The following SCHIP1 variants were observed in gnomAD, a reference collection of about 807,000 sequenced individuals.
SCHIP1 encodes schwannomin-interacting protein 1.
A neutral mutation model predicts 29.7 loss-of-function variants in SCHIP1; 8 were observed. That is an observed-to-expected ratio of 0.27 (90% CI 0.16 to 0.49). The LOEUF (loss-of-function observed/expected upper bound fraction) is 0.49. SCHIP1 is among the 20% of genes least tolerant of loss of function. The probability of loss-of-function intolerance (pLI) is 0.99; values close to 1 mark genes in which losing one functional copy is unlikely to be tolerated. For synonymous variants in SCHIP1, 76 were observed against 94.9 expected (o/e 0.80, Z 1.16); for missense variants, 193 against 294.6 (o/e 0.66, Z 2.52).
chr3:159,294,741 C>A, the SCHIP1 span, among the ~76,000 whole-genome samples: 1 of 152,212 alleles, frequency 6.6e-6, no homozygotes, highest in East Asian at 1.9e-4. Context: ...ATGAAAGAGA[C>A]CAAGTTTTTG....
chr3:159,886,344 G>A lies in SCHIP1; in HGVS notation c.267+20G>A. On this transcript the variant is annotated intron_variant, in intron 3 of 6. Coordinates refer to ENST00000445224, the Ensembl canonical transcript of SCHIP1. ...CCCATGGTGAGTCCAAACAGCACCAGCTGAAGCTCGGTGTTGTGATTTCCG... is the reference window on the plus strand; with the variant it reads ...CCCATGGTGAGTCCAAACAGCACCAACTGAAGCTCGGTGTTGTGATTTCCG... 1 of 1,604,996 alleles carries A rather than the reference G, an allele frequency of 6.2e-7. No individual in the cohort carries two copies. The highest frequency in any genetic ancestry group is 8.5e-7 in the Non-Finnish European group (1 of 1,172,578).
the SCHIP1 span, among the ~76,000 whole-genome samples, chr3:159,664,685 G>C: frequency 3.3e-5 from 5 of 152,164 alleles, no homozygotes; most frequent in East Asian, 1.9e-4. Context: ...AGGCCTATAG[G>C]GTAGAGAGAG....
the SCHIP1 span, among the ~76,000 whole-genome samples, chr3:159,557,705 C>T: frequency 4.6e-5 from 7 of 152,166 alleles, no homozygotes; most frequent in South Asian, 4.1e-4. Flanking sequence ...AAACTGGAAG[C>T]TGAAAATTCG....
chr3:159,620,428 T>C, the SCHIP1 span, among the ~76,000 whole-genome samples: 1 of 152,198 alleles, frequency 6.6e-6, no homozygotes, highest in Non-Finnish European at 1.5e-5. Context: ...ATTTGATTCA[T>C]CTGGAAGCTA....
At chr3:159,349,025 G>C in the SCHIP1 span, among the ~76,000 whole-genome samples, 1 of 152,200 alleles carries the variant, frequency 6.6e-6, no homozygotes, top group African/African-American at 2.4e-5. Flanking sequence ...TTGAATGAAA[G>C]AGCTATGTGC....
At chr3:159,797,822 G>A in the SCHIP1 span, among the ~76,000 whole-genome samples, 1 of 152,100 alleles carries the variant, frequency 6.6e-6, no homozygotes, top group East Asian at 1.9e-4. Context: ...CTCATTCTAT[G>A]GAACAGAATG....
the SCHIP1 span, among the ~76,000 whole-genome samples, chr3:159,701,089 G>A: frequency 6.6e-6 from 1 of 152,128 alleles, no homozygotes; most frequent in Non-Finnish European, 1.5e-5. Flanking sequence ...ACAAGGCCTG[G>A]CAGAGTAAAC....
At chr3:159,706,827 G>A in the SCHIP1 span, among the ~76,000 whole-genome samples, 1 of 152,192 alleles carries the variant, frequency 6.6e-6, no homozygotes, top group African/African-American at 2.4e-5. Flanking sequence ...GACCTCTAAA[G>A]GGTGAGTGGG....
intron 1 of SCHIP1, among the ~76,000 whole-genome samples, chr3:159,855,195 C>G (rs1460597322): frequency 6.6e-6 from 1 of 152,190 alleles, no homozygotes; most frequent in Non-Finnish European, 1.5e-5. Context: ...AAATACCTTC[C>G]TCAGGCAAAG....
At chr3:159,604,997 C>A in the SCHIP1 span, among the ~76,000 whole-genome samples, 16 of 152,166 alleles carry the variant, frequency 1.1e-4, no homozygotes, top group Non-Finnish European at 1.5e-4. Context: ...GAGCTACTGA[C>A]TTAATTTGAA....
the SCHIP1 span, among the ~76,000 whole-genome samples, chr3:159,727,925 T>G: frequency 2.6e-4 from 37 of 140,490 alleles, no homozygotes; most frequent in African/African-American, 9.3e-4. Flanking sequence ...TTTTTTGTTG[T>G]TTTTTTTTTT....
At chr3:159,865,769 G>A (rs1205936257) in intron 1 of SCHIP1, among the ~76,000 whole-genome samples, 2 of 152,218 alleles carry the variant, frequency 1.3e-5, no homozygotes, top group Non-Finnish European at 2.9e-5. Flanking sequence ...GTAAAGCAGA[G>A]AGAAGACAAG....
the SCHIP1 span, among the ~76,000 whole-genome samples, chr3:159,333,303 A>C: frequency 1.3e-5 from 2 of 152,232 alleles, no homozygotes; most frequent in Non-Finnish European, 2.9e-5. Context: ...TGGAAAATTC[A>C]AATAAGAATT....
chr3:159,750,135 A>C, the SCHIP1 span, among the ~76,000 whole-genome samples: 1 of 151,884 alleles, frequency 6.6e-6, no homozygotes, highest in African/African-American at 2.4e-5. Context: ...AACAGTATTG[A>C]CATCATATAC....
chr3:159,318,444 G>A, the SCHIP1 span, among the ~76,000 whole-genome samples: 1 of 152,164 alleles, frequency 6.6e-6, no homozygotes, highest in Non-Finnish European at 1.5e-5. Flanking sequence ...GCACAACCAG[G>A]TGCACTGCTC....
the SCHIP1 span, among the ~76,000 whole-genome samples, chr3:159,569,883 C>G: frequency 1.3e-5 from 2 of 152,200 alleles, no homozygotes; most frequent in Admixed American, 1.3e-4. Flanking sequence ...GATGGTATCT[C>G]AGTGTGGTTT....
At chr3:159,697,058 C>A in the SCHIP1 span, among the ~76,000 whole-genome samples, 3 of 152,086 alleles carry the variant, frequency 2.0e-5, no homozygotes, top group Non-Finnish European at 4.4e-5. Flanking sequence ...GTCAGACATG[C>A]CTTTTAGAGT....
At chr3:159,666,880 A>G in the SCHIP1 span, among the ~76,000 whole-genome samples, 1 of 152,218 alleles carries the variant, frequency 6.6e-6, no homozygotes, top group Admixed American at 6.5e-5. Context: ...CCCGATGTCT[A>G]CATCGGTCAA....
the SCHIP1 span, among the ~76,000 whole-genome samples, chr3:159,597,134 T>C: frequency 6.6e-6 from 1 of 152,118 alleles, no homozygotes; most frequent in Non-Finnish European, 1.5e-5. Context: ...GCCCAGGGCA[T>C]GCATACCATA....
Sources: gnomAD v4.1 joint callset for allele counts (sites outside exome capture counted in the v4.1 genomes callset) on GRCh38, gnomAD v4.1.1 for gene constraint, MANE v1.5 for transcripts, NCBI Gene and HGNC (gene_info 2026-07-23, HGNC 2026-07-21) for gene names.